The following ERICH6 variants were observed in gnomAD, a reference collection of about 807,000 sequenced individuals.
ERICH6 encodes glutamate-rich protein 6.
Under a neutral mutation model 71.0 loss-of-function variants are expected in ERICH6, and 71 were observed. The observed-to-expected ratio is 1.00, with a 90% CI of 0.83 to 1.22. The LOEUF (loss-of-function observed/expected upper bound fraction) is 1.22. ERICH6 is among the 50% of genes most tolerant of loss of function. The pLI, the probability that ERICH6 is intolerant of heterozygous loss-of-function variation, is 0.00. For missense variants in ERICH6, 808 were observed against 797.2 expected, an observed-to-expected ratio of 1.01 and a Z score of -0.16; for synonymous variants, 262 against 278.4, an observed-to-expected ratio of 0.94 and a Z score of 0.59.
chr3:150,688,362 T>C (rs764696844), intron 3 of ERICH6, among the ~76,000 whole-genome samples: 38 of 152,290 alleles, frequency 2.5e-4, no homozygotes, highest in Non-Finnish European at 4.6e-4. Flanking sequence ...ACAACCCCGA[T>C]ATGTCTAGCA....
At chr3:150,684,784 C>T (rs1000450448) in intron 6 of ERICH6, among the ~76,000 whole-genome samples, 3 of 151,888 alleles carry the variant, frequency 2.0e-5, no homozygotes, top group Non-Finnish European at 2.9e-5. Context: ...TGTTCTTTTT[C>T]TTTCTTTCTT....
In ERICH6 at chr3:150,703,803, T is replaced by TTCC. The variant is rs758984579; in HGVS notation, c.93_95dup (p.Glu33dup). ...CCTCTTCCTCCTCCTCCTCCACCTC[T>TTCC]TCCTCCTCCTCCTCCTCCTCTAACT... On this transcript the variant is annotated inframe_insertion, in exon 1 of 14. Transcript: ENST00000295910. The TTCC allele has an allele frequency of 3.0e-4, 484 of 1,594,472 alleles. 2 individuals carry two copies. In the South Asian group the frequency reaches 4.4e-3, roughly 14 times the overall value.
chr3:150,687,599 A>G (rs1483833733), intron 3 of ERICH6, among the ~76,000 whole-genome samples: 1 of 152,212 alleles, frequency 6.6e-6, no homozygotes, highest in Non-Finnish European at 1.5e-5. Flanking sequence ...TTCTATCTAG[A>G]TTCCAGAGCA....
At chr3:150,680,629 C>A in intron 8 of ERICH6, 91 bp from the exon 9 acceptor site, 1 of 1,576,686 alleles carries the variant, frequency 6.3e-7, no homozygotes, top group African/African-American at 1.3e-5. Flanking sequence ...AAATGCCATC[C>A]TTGTCTGTTT....
chr3:150,685,183 A>G (rs925531914), intron 6 of ERICH6, among the ~76,000 whole-genome samples: 2 of 152,100 alleles, frequency 1.3e-5, no homozygotes, highest in Admixed American at 1.3e-4. Context: ...GTGTCTCCCA[A>G]AAAGACATAT....
chr3:150,660,440 A>C (rs1727175617), intron 13 of ERICH6, among the ~76,000 whole-genome samples: 1 of 152,224 alleles, frequency 6.6e-6, no homozygotes, highest in Admixed American at 6.5e-5. Flanking sequence ...AAGATGCCTC[A>C]GACACAGTCC....
Position 150,685,947 on chromosome 3 carries a change from T to C in ERICH6, c.666+19A>G, listed in dbSNP as rs1394184651. On this transcript the variant is annotated intron_variant, in intron 5 of 13. Coordinates refer to ENST00000295910, the MANE Select transcript of ERICH6 (RefSeq NM_152394.5). Reference sequence around the variant, plus strand: ...ACTATGAGAACAGTGTACTAGTTAGTATGATAAACATTTCTTACCTCCAGC... The same window carrying C: ...ACTATGAGAACAGTGTACTAGTTAGCATGATAAACATTTCTTACCTCCAGC... 10 of 1,601,396 alleles carry C rather than the reference T, an allele frequency of 6.2e-6. No individual in the cohort carries two copies. The highest frequency in any genetic ancestry group is 8.6e-6 in the Non-Finnish European group (10 of 1,168,498).
intron 13 of ERICH6, among the ~76,000 whole-genome samples, chr3:150,660,882 A>G (rs1045344288): frequency 6.6e-6 from 1 of 152,230 alleles, no homozygotes; most frequent in African/African-American, 2.4e-5. Flanking sequence ...CAAAGGTGAT[A>G]CTTACAGTAT....
intron 12 of ERICH6, among the ~76,000 whole-genome samples, chr3:150,667,673 C>G: frequency 6.6e-6 from 1 of 152,186 alleles, no homozygotes. Flanking sequence ...CATCTGAGAT[C>G]TGGCAGCACT....
intron 11 of ERICH6, among the ~76,000 whole-genome samples, chr3:150,673,579 T>TTTTG (rs757547490): frequency 2.2e-4 from 34 of 152,162 alleles, no homozygotes; most frequent in East Asian, 3.9e-4. Flanking sequence ...TTTTTCTGTG[T>TTTTG]TTTGTTTGTT....
intron 11 of ERICH6, among the ~76,000 whole-genome samples, chr3:150,670,017 G>T (rs1243484019): frequency 6.6e-6 from 1 of 152,056 alleles, no homozygotes; most frequent in Non-Finnish European, 1.5e-5. Flanking sequence ...AATATGGTAA[G>T]ACCCTGTCTC....
Position 150,660,099 on chromosome 3 carries a change from A to G in ERICH6, c.1785T>C (p.Leu595=). 4 of 1,614,076 alleles carry G rather than the reference A, an allele frequency of 2.5e-6. No homozygotes were observed. In the South Asian group the frequency reaches 4.4e-5, roughly 18 times the overall value. The change falls in exon 14 of 14, where the codon CTT becomes CTC. Residue 595 remains leucine (L), a synonymous_variant. Coordinates refer to ENST00000295910, the MANE Select transcript of ERICH6 (RefSeq NM_152394.5). ...ILRYVSGDDL[L]LLASLIKIRR... ...GGATCTTTATTAAACTGGCCAGCAG[A>G]AGAAGGTCATCTCCACTTACGTATC...
At chr3:150,695,607 A>G (rs887018334) in intron 3 of ERICH6, among the ~76,000 whole-genome samples, 30 of 152,030 alleles carry the variant, frequency 2.0e-4, no homozygotes, top group Non-Finnish European at 3.5e-4. Context: ...GGCGGAGGTT[A>G]CAGTGGGCCG....
intron 13 of ERICH6, among the ~76,000 whole-genome samples, chr3:150,661,991 G>A (rs986975390): frequency 2.0e-5 from 3 of 151,988 alleles, no homozygotes; most frequent in African/African-American, 7.3e-5. Flanking sequence ...ACATTAAAAA[G>A]GTTGAAAATC....
intron 6 of ERICH6, among the ~76,000 whole-genome samples, chr3:150,683,864 T>C (rs1440502384): frequency 2.0e-5 from 3 of 152,198 alleles, no homozygotes; most frequent in African/African-American, 7.2e-5. Flanking sequence ...CAGCCACTGC[T>C]ACCCCTGAAC....
chr3:150,682,218 A>G lies in ERICH6; in HGVS notation c.882T>C (p.His294=), dbSNP rs1246271817. Residue 294 remains histidine, a splice_region_variant and synonymous_variant, in exon 7 of 14, where the codon CAT becomes CAC. Coordinates refer to ENST00000295910, the MANE Select transcript of ERICH6 (RefSeq NM_152394.5). ...ACAGTAAACCTGACTTAGAACTTAC[A>G]TGCCCTTTTGGTTCAGAGGAAACAT... ...NVDVSSEPKG[H]ASCCIAFQNL... The G allele has an allele frequency of 6.2e-7, 1 of 1,612,120 alleles. No homozygotes were observed. Among genetic ancestry groups the G allele is most frequent in the African/African-American group, 1.3e-5 (1 of 74,908 alleles).
At chr3:150,673,745 C>A (rs747799110) in intron 11 of ERICH6, among the ~76,000 whole-genome samples, 1 of 152,058 alleles carries the variant, frequency 6.6e-6, no homozygotes, top group Non-Finnish European at 1.5e-5. Flanking sequence ...TGTGCCATCA[C>A]GCCCAGCTAA....
intron 10 of ERICH6, among the ~76,000 whole-genome samples, chr3:150,677,775 G>T (rs1576552146): frequency 6.6e-6 from 1 of 152,212 alleles, no homozygotes; most frequent in South Asian, 2.1e-4. Context: ...GGGATTAAAG[G>T]TGTGAGCCAC....
At position 150,666,845 on chromosome 3, in the gene ERICH6, G is replaced by A. The variant is rs1727434656; in HGVS notation, c.1670C>T (p.Ser557Phe). The A allele has an allele frequency of 3.1e-6, 5 of 1,614,140 alleles. No individual in the cohort carries two copies. Among genetic ancestry groups the A allele is most frequent in the Non-Finnish European group, 4.2e-6 (5 of 1,180,022 alleles). The change falls in exon 13 of 14, where the codon TCT becomes TTT. Residue 557 changes from serine (S) to phenylalanine (F), a missense_variant. Coordinates refer to ENST00000295910, the MANE Select transcript of ERICH6 (RefSeq NM_152394.5). ...GVRILEQDKI[S>F]ITFLAMGQQA... is the part of the protein sequence containing the mutation. Reference sequence around the variant, plus strand: ...TTGGCCCATTGCTAGAAAAGTTATAGAAATCTTGTCTTGTTCTAAGATGCG... The same window carrying A: ...TTGGCCCATTGCTAGAAAAGTTATAAAAATCTTGTCTTGTTCTAAGATGCG...
Sources: gnomAD v4.1 joint callset for allele counts (sites outside exome capture counted in the v4.1 genomes callset) on GRCh38, gnomAD v4.1.1 for gene constraint, MANE v1.5 for transcripts, NCBI Gene and HGNC (gene_info 2026-07-23, HGNC 2026-07-21) for gene names.